The following HIF1AN variants were observed in gnomAD, a reference collection of about 807,000 sequenced individuals.
The protein encoded by HIF1AN is hypoxia inducible factor 1 subunit alpha inhibitor, also known as hypoxia-inducible factor 1-alpha inhibitor.
A neutral mutation model predicts 47.7 loss-of-function variants in HIF1AN; 21 were observed. That is an observed-to-expected ratio of 0.44 (90% CI 0.31 to 0.63). HIF1AN has a LOEUF of 0.63. Ranked by LOEUF, HIF1AN falls within the 30% of genes least tolerant of loss-of-function variation. HIF1AN has a pLI of 0.07. For missense variants in HIF1AN, 320 were observed against 432.7 expected, an observed-to-expected ratio of 0.74 and a Z score of 2.31; for synonymous variants, 152 against 155.9, an observed-to-expected ratio of 0.98 and a Z score of 0.18.
Position 100,559,988 on chromosome 10 carries a change from T to A in HIF1AN, c.*11851T>A, listed in dbSNP as rs1300191646. On this transcript the variant is annotated 3_prime_UTR_variant, in exon 8 of 8. Coordinates refer to ENST00000299163, the MANE Select transcript of HIF1AN (RefSeq NM_017902.3). ...TTGACAACATTAAAGATCAGAAACT[T>A]GACCTAAAAAGATTTCTCTCTTTGG... The A allele has an allele frequency of 1.4e-5, 2 of 143,528 alleles. No homozygotes were observed. Among genetic ancestry groups the A allele is most frequent in the African/African-American group, 5.2e-5 (2 of 38,298 alleles). The allele number at this position is 143,528 out of a possible 1,614,324, so 8.9% of individuals were successfully genotyped here.
intron 3 of HIF1AN, among the ~76,000 whole-genome samples, chr10:100,541,276 A>C (rs1458783063): frequency 6.6e-6 from 1 of 152,210 alleles, no homozygotes; most frequent in African/African-American, 2.4e-5. Context: ...TTGTAATCCC[A>C]GCACTTTGGG....
In HIF1AN at chr10:100,540,839, C is replaced by T. The variant is rs369976291; in HGVS notation, c.577+57C>T. 218 of 1,436,702 alleles carry T rather than the reference C, an allele frequency of 1.5e-4. 1 individual carries two copies. In the African/African-American group the frequency reaches 2.7e-3, roughly 18 times the overall value. The allele number at this position is 1,436,702 out of a possible 1,614,324, so 89.0% of individuals were successfully genotyped here. On this transcript the variant is annotated intron_variant, in intron 3 of 7. Transcript: ENST00000299163. ...GAGTCATATGAACCTGATTTCTAAT[C>T]CTGTCTTCACCGCTTATTAGCTCCA... is the stretch of plus-strand genomic sequence containing the variant.
At chr10:100,542,611 T>A (rs1470156230) in intron 3 of HIF1AN, among the ~76,000 whole-genome samples, 2 of 152,104 alleles carry the variant, frequency 1.3e-5, no homozygotes, top group African/African-American at 4.8e-5. Context: ...TGCCCCGGCC[T>A]CCCAAAGTGC....
chr10:100,543,704 T>C (rs1843067736), intron 3 of HIF1AN, among the ~76,000 whole-genome samples: 1 of 152,184 alleles, frequency 6.6e-6, no homozygotes, highest in Non-Finnish European at 1.5e-5. Flanking sequence ...CCCAAGTAGC[T>C]GGGACTGTAG....
intron 3 of HIF1AN, 48 bp from the exon 4 acceptor site, chr10:100,544,903 T>C (rs1334280392): frequency 4.4e-6 from 7 of 1,589,926 alleles, no homozygotes; most frequent in Admixed American, 3.4e-5. Flanking sequence ...TTCCAGCTTA[T>C]GCAATAGAAC....
At chr10:100,545,330 A>G in intron 4 of HIF1AN, 1 of 457,880 alleles carries the variant, frequency 2.2e-6, no homozygotes. Flanking sequence ...CAGGACAGAC[A>G]CTGTCATTGA....
chr10:100,543,381 A>G (rs1261771656), intron 3 of HIF1AN, among the ~76,000 whole-genome samples: 1 of 151,952 alleles, frequency 6.6e-6, no homozygotes. Flanking sequence ...TTCTGTAGAG[A>G]TGGGGGTCTC....
In HIF1AN at chr10:100,548,232, C is replaced by A; in HGVS notation, c.*95C>A. 1 of 1,084,094 alleles carries A rather than the reference C, an allele frequency of 9.2e-7. No individual in the cohort carries two copies. Among genetic ancestry groups the A allele is most frequent in the Non-Finnish European group, 1.3e-6 (1 of 760,738 alleles). The allele number at this position is 1,084,094 out of a possible 1,614,324, so 67.2% of individuals were successfully genotyped here. A position where few individuals can be genotyped will look rare whatever the true frequency, so the allele number is the denominator to read the frequency against. ...GGAGACTCCAAGCGCTAGTATTGCA[C>A]GCTGCACTTAATGGACTGGACTCTT... is the stretch of plus-strand genomic sequence containing the variant. On this transcript the variant is annotated 3_prime_UTR_variant, in exon 8 of 8. Coordinates refer to ENST00000299163, the MANE Select transcript of HIF1AN (RefSeq NM_017902.3).
At chr10:100,546,450 C>CCG in intron 5 of HIF1AN, 68 bp from the exon 6 acceptor site, 1 of 905,882 alleles carries the variant, frequency 1.1e-6, no homozygotes, top group African/African-American at 1.7e-5. Flanking sequence ...GCCACCCCCC[C>CCG]GCACTTCGCC....
At position 100,548,238 on chromosome 10, in the gene HIF1AN, A is replaced by G; in HGVS notation, c.*101A>G. ...TCCAAGCGCTAGTATTGCACGCTGC[A>G]CTTAATGGACTGGACTCTTGCCATG... On this transcript the variant is annotated 3_prime_UTR_variant, in exon 8 of 8. Coordinates refer to ENST00000299163, the MANE Select transcript of HIF1AN (RefSeq NM_017902.3). 2.0e-6 allele frequency: 2 copies of G among 1,004,030 alleles called. No homozygotes were observed. The highest frequency in any genetic ancestry group is 1.7e-5 in the South Asian group (1 of 58,382). The allele number at this position is 1,004,030 out of a possible 1,614,324, so 62.2% of individuals were successfully genotyped here.
At position 100,538,778 on chromosome 10, in the gene HIF1AN, G is replaced by A. The variant is rs548809094; in HGVS notation, c.429-1856G>A. On this transcript the variant is annotated intron_variant, in intron 2 of 7. Transcript: ENST00000299163. ...AGAGGTTGCAGTGAGCCAAGATTGC[G>A]CCACTGCACTCCAGCCTGGGTGACA... is the stretch of plus-strand genomic sequence containing the variant. 7.9e-5 allele frequency among the ~76,000 whole-genome samples: 11 copies of A among 138,650 alleles called. 1 individual carries two copies. Among genetic ancestry groups the A allele is most frequent in the African/African-American group, 2.7e-4 (10 of 36,692 alleles). 91.0% of individuals were successfully genotyped at this position (138,650 alleles called of 152,430 possible). A position where few individuals can be genotyped will look rare whatever the true frequency, so the allele number is the denominator to read the frequency against.
chr10:100,541,589 C>G (rs899516750), intron 3 of HIF1AN, among the ~76,000 whole-genome samples: 3 of 151,892 alleles, frequency 2.0e-5, no homozygotes, highest in Admixed American at 1.3e-4. Context: ...CAACCTCCGC[C>G]TCCCGTGTTC....
intron 1 of HIF1AN, 91 bp downstream of exon 1, chr10:100,536,226 G>A: frequency 1.5e-6 from 2 of 1,372,844 alleles, no homozygotes; most frequent in Non-Finnish European, 2.0e-6. Context: ...GAGACTGGCA[G>A]GGCTCTAGAC....
At chr10:100,547,962 AG>A (rs1469785491) in intron 7 of HIF1AN, 130 bp from the exon 8 acceptor site, 3 of 798,184 alleles carry the variant, frequency 3.8e-6, no homozygotes, top group Non-Finnish European at 6.4e-6. Flanking sequence ...AGGTGATTAG[AG>A]GATTCACAAG....
chr10:100,542,348 G>A (rs7079756), intron 3 of HIF1AN, among the ~76,000 whole-genome samples: 35,539 of 151,812 alleles, frequency 0.23, 4,428 homozygotes, highest in African/African-American at 0.31. Context: ...CAACTTTATT[G>A]TTTTTATTTA....
Position 100,540,790 on chromosome 10 carries a change from A to C in HIF1AN, c.577+8A>C, listed in dbSNP as rs1203980676. On this transcript the variant is annotated splice_region_variant and intron_variant, in intron 3 of 7. Coordinates refer to ENST00000299163, the MANE Select transcript of HIF1AN (RefSeq NM_017902.3). ...TGCTCATTGGCATGGAAGGTAAGAAATCTTTCAAAAGCAGCATGGCTTGGA... is the reference window on the plus strand; with the variant it reads ...TGCTCATTGGCATGGAAGGTAAGAACTCTTTCAAAAGCAGCATGGCTTGGA... 6.2e-7 allele frequency: 1 copy of C among 1,600,996 alleles called. No homozygotes were observed. The highest frequency in any genetic ancestry group is 8.5e-7 in the Non-Finnish European group (1 of 1,176,392).
Position 100,554,541 on chromosome 10 carries a change from C to G in HIF1AN, c.*6404C>G, listed in dbSNP as rs1378132645. Reference sequence around the variant, plus strand: ...GACCAGACACCTGGGAGGATTACCTCACGCCTGTAATCCCAGCACTTTGGG... The same window carrying G: ...GACCAGACACCTGGGAGGATTACCTGACGCCTGTAATCCCAGCACTTTGGG... On this transcript the variant is annotated 3_prime_UTR_variant, in exon 8 of 8. Coordinates refer to ENST00000299163, the MANE Select transcript of HIF1AN (RefSeq NM_017902.3). 6 of 152,052 alleles carry G rather than the reference C, an allele frequency of 3.9e-5. No homozygotes were observed. The highest frequency in any genetic ancestry group is 8.8e-5 in the Non-Finnish European group (6 of 68,018). The allele number at this position is 152,052 out of a possible 1,614,324, so 9.4% of individuals were successfully genotyped here.
At chr10:100,538,151 G>A (rs1288979089) in intron 2 of HIF1AN, among the ~76,000 whole-genome samples, 1 of 152,186 alleles carries the variant, frequency 6.6e-6, no homozygotes, top group Non-Finnish European at 1.5e-5. Context: ...CATAGTGAGA[G>A]CATTTTGCAT....
In HIF1AN at chr10:100,540,457, A is replaced by G. The variant is rs541009240; in HGVS notation, c.429-177A>G. 2.6e-5 allele frequency among the ~76,000 whole-genome samples: 4 copies of G among 152,290 alleles called. No homozygotes were observed. The East Asian group carries it at 7.7e-4, about 29-fold the overall frequency. On this transcript the variant is annotated intron_variant, in intron 2 of 7. Transcript: ENST00000299163. ...TTTGGTGTTGAACATAACTCAATGA[A>G]GGATAAGTAAGAATTCAGTTGTATG...
Sources: gnomAD v4.1 joint callset for allele counts (sites outside exome capture counted in the v4.1 genomes callset) on GRCh38, gnomAD v4.1.1 for gene constraint, MANE v1.5 for transcripts, NCBI Gene and HGNC (gene_info 2026-07-23, HGNC 2026-07-21) for gene names.